Variants in PCNT observed in about 807,000 individuals in gnomAD.
The protein encoded by PCNT is kendrin.
A neutral mutation model predicts 380.4 loss-of-function variants in PCNT; 319 were observed. The observed-to-expected ratio is 0.84, with a 90% CI of 0.77 to 0.92. PCNT has a LOEUF of 0.92. Among genes scored for constraint, PCNT ranks in the 40% least tolerant of loss-of-function variants. PCNT has a pLI of 0.00. For synonymous variants in PCNT, 1,845 were observed against 1,735.2 expected, an observed-to-expected ratio of 1.06 and a Z score of -1.57; for missense variants, 4,400 against 4,255.3, an observed-to-expected ratio of 1.03 and a Z score of -0.95.
chr21:46,429,367 C>T (rs1206599369), intron 35 of PCNT, among the ~76,000 whole-genome samples: 4 of 86,664 alleles, frequency 4.6e-5, no homozygotes, highest in Non-Finnish European at 8.4e-5. Context: ...GTGAGGGGCA[C>T]GGGCAGGGGG....
At chr21:46,329,748 TTC>T (rs2083497486) in intron 2 of PCNT, among the ~76,000 whole-genome samples, 1 of 152,230 alleles carries the variant, frequency 6.6e-6, no homozygotes, top group African/African-American at 2.4e-5. Flanking sequence ...AGGTAAAGCA[TTC>T]TGTTACTTAT....
intron 25 of PCNT, among the ~76,000 whole-genome samples, chr21:46,400,090 A>G (rs1377687471): frequency 6.6e-6 from 1 of 152,212 alleles, no homozygotes; most frequent in African/African-American, 2.4e-5. Context: ...AACATTTAAG[A>G]TTTTAGGTTT....
intron 16 of PCNT, among the ~76,000 whole-genome samples, chr21:46,383,787 C>T (rs1282633898): frequency 1.6e-4 from 19 of 121,196 alleles, no homozygotes; most frequent in Middle Eastern, 7.8e-3. Context: ...CGGTGTTGTG[C>T]GTTCAGTGGC....
At position 46,357,298 on chromosome 21, in the gene PCNT, G is replaced by GTGCT. The variant is rs1340236233; in HGVS notation, c.2154+108_2154+111dup. The GTGCT allele has an allele frequency of 1.8e-5, 15 of 819,550 alleles. No homozygotes were observed. The Admixed American group carries it at 2.6e-4, about 14-fold the overall frequency. The allele number at this position is 819,550 out of a possible 1,614,324, so 50.8% of individuals were successfully genotyped here. A position where few individuals can be genotyped will look rare whatever the true frequency, so the allele number is the denominator to read the frequency against. ...GGAGGGGCATCCTGGGGACAGCCCA[G>GTGCT]TGCTGTACATGGCACATTTGTAAGG... On this transcript the variant is annotated intron_variant, in intron 13 of 46. Coordinates refer to ENST00000359568, the MANE Select transcript of PCNT (RefSeq NM_006031.6).
intron 46 of PCNT, 143 bp from the exon 47 acceptor site, chr21:46,445,138 TATC>T: frequency 2.8e-6 from 2 of 710,050 alleles, no homozygotes; most frequent in Non-Finnish European, 5.1e-6. Context: ...GTTTCTTAAA[TATC>T]ATAATTTAAA....
Position 46,324,156 on chromosome 21 carries a change from A to C in PCNT, c.-73A>C. 8.1e-7 allele frequency: 1 copy of C among 1,235,798 alleles called. No homozygotes were observed. Among genetic ancestry groups the C allele is most frequent in the Non-Finnish European group, 1.2e-6 (1 of 854,742 alleles). 76.6% of individuals were successfully genotyped at this position (1,235,798 alleles called of 1,614,324 possible). A position where few individuals can be genotyped will look rare whatever the true frequency, so the allele number is the denominator to read the frequency against. On this transcript the variant is annotated 5_prime_UTR_variant, in exon 1 of 47. Transcript: ENST00000359568. ...GGGCGAGCCCAAGCGCGGGGGAGGG[A>C]GTGTAAATAGAGCGAAGGCTGCTCT...
At chr21:46,406,256 C>T (rs1291194293) in intron 27 of PCNT, among the ~76,000 whole-genome samples, 1 of 152,196 alleles carries the variant, frequency 6.6e-6, no homozygotes, top group African/African-American at 2.4e-5. Context: ...GCCCTCCCTC[C>T]CTGTGTGGCT....
intron 17 of PCNT, among the ~76,000 whole-genome samples, chr21:46,386,540 G>A (rs956507296): frequency 6.6e-6 from 1 of 152,222 alleles, no homozygotes; most frequent in African/African-American, 2.4e-5. Flanking sequence ...GGCTCTCCCA[G>A]GGCGGGGTGT....
In PCNT at chr21:46,366,900, C is replaced by T. The variant is rs755172145; in HGVS notation, c.2926C>T (p.Leu976Phe). ...CCTTGATTCTTTGGAATCCTGTTAC[C>T]TCTCTGAATTTCAGACCATCCGTGA... Reference protein sequence around the residue: ...SSLDSLESCYLSEFQTIREEH... With the variant: ...SSLDSLESCYFSEFQTIREEH... The change falls in exon 15 of 47, where the codon CTC (leucine) becomes TTC (phenylalanine). Residue 976 changes from leucine to phenylalanine, a missense_variant. Physicochemically the swap from Leu to Phe is conservative, Grantham distance 22 (BLOSUM62 0). Coordinates refer to ENST00000359568, the MANE Select transcript of PCNT (RefSeq NM_006031.6). The T allele has an allele frequency of 6.2e-7, 1 of 1,614,218 alleles. No individual in the cohort carries two copies. Among genetic ancestry groups the T allele is most frequent in the South Asian group, 1.1e-5 (1 of 91,088 alleles).
intron 33 of PCNT, 151 bp from the exon 34 acceptor site, chr21:46,427,471 T>C (rs759478939): frequency 2.5e-6 from 2 of 807,400 alleles, no homozygotes; most frequent in Non-Finnish European, 2.1e-6. Context: ...GCGAGTGAGC[T>C]CTGGTGTCTC....
At chr21:46,356,514 G>T (rs796103318) in intron 12 of PCNT, among the ~76,000 whole-genome samples, 19 of 152,376 alleles carry the variant, frequency 1.2e-4, no homozygotes, top group African/African-American at 4.6e-4. Context: ...GGGGTAGCGT[G>T]CCTGGGCACA....
At chr21:46,433,191 G>A (rs2087839654) in intron 38 of PCNT, among the ~76,000 whole-genome samples, 1 of 152,050 alleles carries the variant, frequency 6.6e-6, no homozygotes, top group African/African-American at 2.4e-5. Context: ...AGACCAGCCT[G>A]GCCAACAAGG....
At chr21:46,358,021 A>G (rs1327047845) in intron 13 of PCNT, among the ~76,000 whole-genome samples, 1 of 152,238 alleles carries the variant, frequency 6.6e-6, no homozygotes, top group Non-Finnish European at 1.5e-5. Context: ...CAGCCAGGGC[A>G]GCTCAGGGTC....
At chr21:46,347,403 T>G in intron 5 of PCNT, 54 bp from the exon 6 acceptor site, 1 of 1,586,472 alleles carries the variant, frequency 6.3e-7, no homozygotes, top group Admixed American at 1.7e-5. Flanking sequence ...GGCAGTTGGG[T>G]CACTGAAAAG....
At chr21:46,325,616 C>G (rs1166026550) in intron 1 of PCNT, among the ~76,000 whole-genome samples, 1 of 152,212 alleles carries the variant, frequency 6.6e-6, no homozygotes, top group African/African-American at 2.4e-5. Flanking sequence ...ATCATTTACA[C>G]AAATGTGTGT....
chr21:46,402,802 G>T (rs950470498), intron 27 of PCNT, among the ~76,000 whole-genome samples: 8 of 152,182 alleles, frequency 5.3e-5, no homozygotes, highest in Non-Finnish European at 1.2e-4. Flanking sequence ...CTATTGGGCT[G>T]TTGGTGGCTT....
rs1043248792 is a variant in PCNT at position 46,388,016 on chromosome 21, C to G, written c.3465-726C>G. Among the ~76,000 whole-genome samples the G allele has an allele frequency of 2.6e-5, 4 of 152,062 alleles. No individual in the cohort carries two copies. Among genetic ancestry groups the G allele is most frequent in the African/African-American group, 9.7e-5 (4 of 41,410 alleles). On this transcript the variant is annotated intron_variant, in intron 17 of 46. Transcript: ENST00000359568. The surrounding 1 kb of genome is among the most constrained non-coding windows in gnomAD (Gnocchi z 4.2). ...ATGAGGTCAGGAGATCGAGACCATC[C>G]TGGCTAACATGGTGAAACCCCATCT... is the stretch of plus-strand genomic sequence containing the variant.
intron 21 of PCNT, among the ~76,000 whole-genome samples, chr21:46,394,905 A>G (rs1334992683): frequency 6.6e-6 from 1 of 152,166 alleles, no homozygotes; most frequent in African/African-American, 2.4e-5. Flanking sequence ...CTGCTTCGCC[A>G]GCTGGGATTG....
rs1237826900 is a variant in PCNT, at chr21:46,411,897, A to G, written c.5824A>G (p.Arg1942Gly). 3 of 1,580,758 alleles carry G rather than the reference A, an allele frequency of 1.9e-6. No homozygotes were observed. The highest frequency in any genetic ancestry group is 2.6e-6 in the Non-Finnish European group (3 of 1,171,226). ...GCAGGTGCTGCACCAGCGGTTCCTG[A>G]GGTGCCAGGTGGAGCTGGACAGGCG... The part of the protein sequence containing the change: ...QLQVLHQRFL[R>G]CQVELDRRQA... The change falls in exon 28 of 47, where the codon AGG becomes GGG. Residue 1942 changes from arginine (R) to glycine (G), a missense_variant. By Grantham distance (125) the Arg-to-Gly change is moderately radical. Coordinates refer to ENST00000359568, the MANE Select transcript of PCNT (RefSeq NM_006031.6).
Sources: gnomAD v4.1 joint callset for allele counts (sites outside exome capture counted in the v4.1 genomes callset) on GRCh38, gnomAD v4.1.1 for gene constraint, Gnocchi (gnomAD v3.1) non-coding constraint, MANE v1.5 for transcripts, NCBI Gene and HGNC (gene_info 2026-07-23, HGNC 2026-07-21) for gene names.